CLDN12: variants seen among roughly 807,000 people sequenced by gnomAD.
CLDN12 encodes the protein claudin-12.
A neutral mutation model predicts 15.5 loss-of-function variants in CLDN12; 9 were observed. The observed-to-expected ratio is 0.58, with a 90% CI of 0.35 to 1.02. CLDN12 has a LOEUF of 1.02. Among genes scored for constraint, CLDN12 ranks in the 50% least tolerant of loss-of-function variants. The pLI is 0.02. For synonymous variants in CLDN12, 140 were observed against 121.6 expected, an observed-to-expected ratio of 1.15 and a Z score of -1.00; for missense variants, 233 against 297.3, an observed-to-expected ratio of 0.78 and a Z score of 1.59.
At chr7:90,412,369 G>GT in intron 3 of CLDN12, 3 of 329,012 alleles carry the variant, frequency 9.1e-6, no homozygotes, top group Non-Finnish European at 1.6e-5. Context: ...TATCTTGGTT[G>GT]TTTTTTTAAT....
At chr7:90,411,357 C>G (rs1796958669) in intron 2 of CLDN12, among the ~76,000 whole-genome samples, 1 of 152,180 alleles carries the variant, frequency 6.6e-6, no homozygotes. Flanking sequence ...AGAGAAAATA[C>G]ATTTGAGTCC....
intron 1 of CLDN12, among the ~76,000 whole-genome samples, chr7:90,405,265 G>T (rs910388238): frequency 1.3e-5 from 2 of 152,164 alleles, no homozygotes; most frequent in Admixed American, 1.3e-4. Flanking sequence ...GTTTTGCCAT[G>T]TTGGCCAGGC....
In CLDN12 at chr7:90,414,041, A is replaced by G. The variant is rs994966682; in HGVS notation, c.*630A>G. On this transcript the variant is annotated 3_prime_UTR_variant, in exon 4 of 4. Coordinates refer to ENST00000496677, the MANE Select transcript of CLDN12 (RefSeq NM_001185072.3). ...CTACCATTCTAAATATCACCTACTTATGAATAACATGTAATAATTTTTAAC... is the reference window on the plus strand; with the variant it reads ...CTACCATTCTAAATATCACCTACTTGTGAATAACATGTAATAATTTTTAAC... The G allele has an allele frequency of 2.0e-6, 2 of 979,730 alleles. No homozygotes were observed. The highest frequency in any genetic ancestry group is 1.2e-4 in the East Asian group (1 of 8,646). 60.7% of individuals were successfully genotyped at this position (979,730 alleles called of 1,614,324 possible). A position where few individuals can be genotyped will look rare whatever the true frequency, so the allele number is the denominator to read the frequency against.
chr7:90,407,585 A>G (rs945738199), intron 2 of CLDN12, among the ~76,000 whole-genome samples: 1 of 152,068 alleles, frequency 6.6e-6, no homozygotes, highest in Admixed American at 6.5e-5. Flanking sequence ...ACAGTGAACA[A>G]AACAAAGGGA....
Position 90,413,771 on chromosome 7 carries a change from A to G in CLDN12, c.*360A>G, listed in dbSNP as rs1035697540. On this transcript the variant is annotated 3_prime_UTR_variant, in exon 4 of 4. Transcript: ENST00000496677. Reference sequence around the variant, plus strand: ...AATCTTCATGAAAATTTCAGTGTGTATTTTTCTTTTTCTATAATACCTTTA... The same window carrying G: ...AATCTTCATGAAAATTTCAGTGTGTGTTTTTCTTTTTCTATAATACCTTTA... The G allele has an allele frequency of 2.0e-6, 2 of 1,021,240 alleles. No homozygotes were observed. Among genetic ancestry groups the G allele is most frequent in the African/African-American group, 1.7e-5 (1 of 57,912 alleles). 63.3% of individuals were successfully genotyped at this position (1,021,240 alleles called of 1,614,324 possible). A position where few individuals can be genotyped will look rare whatever the true frequency, so the allele number is the denominator to read the frequency against.
chr7:90,413,145 T>G lies in CLDN12; in HGVS notation c.469T>G (p.Tyr157Asp). ...SLSPSIWVIFYNIHLNKKFEP... is the reference protein window; with the variant it reads ...SLSPSIWVIFDNIHLNKKFEP... Reference sequence around the variant, plus strand: ...CTCCCCATCTATCTGGGTCATCTTTTATAACATCCATCTGAACAAGAAGTT... The same window carrying G: ...CTCCCCATCTATCTGGGTCATCTTTGATAACATCCATCTGAACAAGAAGTT... Residue 157 changes from tyrosine to aspartate, a missense_variant, in exon 4 of 4, where the codon TAT (tyrosine) becomes GAT (aspartate). Transcript: ENST00000496677. The G allele has an allele frequency of 1.9e-6, 3 of 1,614,234 alleles. No homozygotes were observed. Among genetic ancestry groups the G allele is most frequent in the Non-Finnish European group, 2.5e-6 (3 of 1,180,046 alleles).
intron 2 of CLDN12, among the ~76,000 whole-genome samples, chr7:90,406,487 C>T (rs566401982): frequency 1.3e-5 from 2 of 152,156 alleles, no homozygotes; most frequent in African/African-American, 4.8e-5. Context: ...CTATAACCAT[C>T]TGTAGTCATT....
chr7:90,405,210 G>A (rs767298695), intron 1 of CLDN12, among the ~76,000 whole-genome samples: 5 of 152,148 alleles, frequency 3.3e-5, no homozygotes, highest in African/African-American at 7.2e-5. Context: ...CTATAGGCAT[G>A]AGCCACCATG....
chr7:90,404,825 T>G (rs1796802270), intron 1 of CLDN12, among the ~76,000 whole-genome samples: 1 of 152,050 alleles, frequency 6.6e-6, no homozygotes, highest in Non-Finnish European at 1.5e-5. Flanking sequence ...TATTTCTACG[T>G]ATTTTTCTAT....
In CLDN12 at chr7:90,403,540, T is replaced by A. The variant is rs1264722319; in HGVS notation, c.-176T>A. Reference sequence around the variant, plus strand: ...GTGGGCGAGTAAAATGCCCTGCGTGTGAGAAGCAGGTAGGTGTGGTCAAGA... The same window carrying A: ...GTGGGCGAGTAAAATGCCCTGCGTGAGAGAAGCAGGTAGGTGTGGTCAAGA... On this transcript the variant is annotated 5_prime_UTR_variant, in exon 1 of 4. An upstream open reading frame in the 5' UTR loses its in-frame stop. Transcript: ENST00000496677. The A allele has an allele frequency of 6.6e-6, 1 of 152,154 alleles. No homozygotes were observed. The highest frequency in any genetic ancestry group is 1.5e-5 in the Non-Finnish European group (1 of 68,036). The allele number at this position is 152,154 out of a possible 1,614,324, so 9.4% of individuals were successfully genotyped here.
In CLDN12 at chr7:90,406,366, C is replaced by T. The variant is rs114144363; in HGVS notation, c.-77+758C>T. Among the ~76,000 whole-genome samples, 591 of 152,140 alleles carry T rather than the reference C, an allele frequency of 3.9e-3. 4 individuals are homozygous for T. Among genetic ancestry groups the T allele is most frequent in the African/African-American group, 0.013 (533 of 41,512 alleles). On this transcript the variant is annotated intron_variant, in intron 2 of 3. Coordinates refer to ENST00000496677, the MANE Select transcript of CLDN12 (RefSeq NM_001185072.3). ...AAATTTTATCTACTTTTCTGAGTCACGGTGGAACAGAGAGTCAAATGACAA... is the reference window on the plus strand; with the variant it reads ...AAATTTTATCTACTTTTCTGAGTCATGGTGGAACAGAGAGTCAAATGACAA...
intron 2 of CLDN12, among the ~76,000 whole-genome samples, chr7:90,408,330 C>G (rs1328220747): frequency 6.6e-6 from 1 of 152,078 alleles, no homozygotes; most frequent in South Asian, 2.1e-4. Flanking sequence ...CAGCAAGACC[C>G]CATCTCTAGG....
chr7:90,407,206 T>C (rs771767579), intron 2 of CLDN12, among the ~76,000 whole-genome samples: 24 of 152,316 alleles, frequency 1.6e-4, no homozygotes, highest in Non-Finnish European at 2.6e-4. Context: ...CCAGGAATAA[T>C]TGACTTTCAA....
chr7:90,410,574 A>G (rs1472853265), intron 2 of CLDN12, among the ~76,000 whole-genome samples: 2 of 152,180 alleles, frequency 1.3e-5, no homozygotes, highest in East Asian at 3.8e-4. Flanking sequence ...CTATAATCCC[A>G]GCTTGTAATT....
chr7:90,407,456 G>A (rs1796860209), intron 2 of CLDN12, among the ~76,000 whole-genome samples: 1 of 152,192 alleles, frequency 6.6e-6, no homozygotes, highest in Non-Finnish European at 1.5e-5. Context: ...CTCAAATGAA[G>A]TGAATGGAAC....
Position 90,413,829 on chromosome 7 carries a change from A to C in CLDN12, c.*418A>C. On this transcript the variant is annotated 3_prime_UTR_variant, in exon 4 of 4. Transcript: ENST00000496677. ...AGAAAAGGCAGTTTCAAATATAAGA[A>C]ATTTATTTCAGGTAAGGGTAATATT... 1.0e-6 allele frequency: 1 copy of C among 1,001,468 alleles called. No individual in the cohort carries two copies. Among genetic ancestry groups the C allele is most frequent in the Non-Finnish European group, 1.2e-6 (1 of 830,526 alleles). The allele number at this position is 1,001,468 out of a possible 1,614,324, so 62.0% of individuals were successfully genotyped here. A position where few individuals can be genotyped will look rare whatever the true frequency, so the allele number is the denominator to read the frequency against.
rs1027862498 is a variant in CLDN12 at position 90,413,640 on chromosome 7, A to T, written c.*229A>T. 8 of 1,299,064 alleles carry T rather than the reference A, an allele frequency of 6.2e-6. No homozygotes were observed. The South Asian group carries it at 2.0e-4, about 32-fold the overall frequency. 80.5% of individuals were successfully genotyped at this position (1,299,064 alleles called of 1,614,324 possible). A position where few individuals can be genotyped will look rare whatever the true frequency, so the allele number is the denominator to read the frequency against. The stretch of plus-strand genomic sequence containing the variant: ...TATACTGGAAGGAATTTTAGCCTTC[A>T]TATTGATATCTAATTAATTATTTAA... On this transcript the variant is annotated 3_prime_UTR_variant, in exon 4 of 4. Coordinates refer to ENST00000496677, the MANE Select transcript of CLDN12 (RefSeq NM_001185072.3).
intron 2 of CLDN12, among the ~76,000 whole-genome samples, chr7:90,410,635 G>A (rs1036271983): frequency 2.0e-5 from 3 of 152,038 alleles, no homozygotes; most frequent in East Asian, 1.9e-4. Flanking sequence ...CCAGGAGTTC[G>A]AGACCAGCCT....
chr7:90,410,043 C>A (rs1796928287), intron 2 of CLDN12, among the ~76,000 whole-genome samples: 2 of 152,154 alleles, frequency 1.3e-5, no homozygotes. Flanking sequence ...GAGCCCAATA[C>A]TCGTTTATTC....
Sources: gnomAD v4.1 joint callset for allele counts (sites outside exome capture counted in the v4.1 genomes callset) on GRCh38, gnomAD v4.1.1 for gene constraint, MANE v1.5 for transcripts, NCBI Gene and HGNC (gene_info 2026-07-23, HGNC 2026-07-21) for gene names.